Variants in ADGRB1 observed in about 807,000 individuals in gnomAD.
The protein encoded by ADGRB1 is adhesion G protein-coupled receptor B1.
In ADGRB1, 36 loss-of-function variants were observed where a neutral mutation model predicts 175.7. That is an observed-to-expected ratio of 0.20 (90% CI 0.16 to 0.27). ADGRB1 has a LOEUF of 0.27. Ranked by LOEUF, ADGRB1 falls within the 10% of genes least tolerant of loss-of-function variation. The probability of loss-of-function intolerance (pLI) is 1.00; values close to 1 mark genes in which losing one functional copy is unlikely to be tolerated. For synonymous variants in ADGRB1, 1,054 were observed against 979.4 expected (o/e 1.08, Z -1.42); for missense variants, 1,731 against 2,255.3 (o/e 0.77, Z 4.71).
At position 142,533,386 on chromosome 8, in the gene ADGRB1, C is replaced by T. The variant is rs752743965; in HGVS notation, c.3490C>T (p.Leu1164Phe). ...VLAVTDRRSA[L>F]FQILFAVFDS... ...CGCCGTCACCGACCGCCGCTCCGCC[C>T]TCTTCCAGATCCTCTTCGCTGTCTT... is the stretch of plus-strand genomic sequence containing the variant. The change falls in exon 25 of 31, where the codon CTC becomes TTC. Residue 1164 changes from leucine (L) to phenylalanine (F), a missense_variant. Coordinates refer to ENST00000517894, the MANE Select transcript of ADGRB1 (RefSeq NM_001702.3). 2 of 1,611,980 alleles carry T rather than the reference C, an allele frequency of 1.2e-6. No homozygotes were observed. The highest frequency in any genetic ancestry group is 1.7e-6 in the Non-Finnish European group (2 of 1,179,434).
chr8:142,543,373 C>T lies in ADGRB1; in HGVS notation c.4414-30C>T, dbSNP rs1563758044. 8 of 1,613,108 alleles carry T rather than the reference C, an allele frequency of 5.0e-6. No individual in the cohort carries two copies. Among genetic ancestry groups the T allele is most frequent in the Middle Eastern group, 1.7e-4 (1 of 6,058 alleles). On this transcript the variant is annotated intron_variant, in intron 28 of 30. Coordinates refer to ENST00000517894, the MANE Select transcript of ADGRB1 (RefSeq NM_001702.3). The surrounding 1 kb of genome is among the most constrained non-coding windows in gnomAD (Gnocchi z 4.4). ...GCGTGGACTTGTCAGGGACCCTTGG[C>T]GAATGTTCGCAAACCCCTTCTCCCT... is the stretch of plus-strand genomic sequence containing the variant.
chr8:142,488,870 G>A (rs1466040117), intron 14 of ADGRB1, among the ~76,000 whole-genome samples, 165 bp from the exon 15 acceptor site: 1 of 152,208 alleles, frequency 6.6e-6, no homozygotes, highest in Non-Finnish European at 1.5e-5. Context: ...CCTGGCTGCA[G>A]CACTGTGTCC....
At position 142,510,785 on chromosome 8, in the gene ADGRB1, C is replaced by G. The variant is rs1843054502; in HGVS notation, c.2676-147C>G. 2 of 192,560 alleles carry G rather than the reference C, an allele frequency of 1.0e-5. No individual in the cohort carries two copies. Among genetic ancestry groups the G allele is most frequent in the Non-Finnish European group, 1.8e-5 (2 of 109,104 alleles). The allele number at this position is 192,560 out of a possible 1,614,324, so 11.9% of individuals were successfully genotyped here. On this transcript the variant is annotated intron_variant, in intron 17 of 30. Transcript: ENST00000517894. The surrounding 1 kb of genome is among the most constrained non-coding windows in gnomAD (Gnocchi z 6.3). ...GCGGGGCCTGGCGGCGGCGGGCGGACGGGCGCGCGGCTGCGGGCGCAGGTG... is the reference window on the plus strand; with the variant it reads ...GCGGGGCCTGGCGGCGGCGGGCGGAGGGGCGCGCGGCTGCGGGCGCAGGTG...
At chr8:142,526,741 AC>A in intron 24 of ADGRB1, 114 bp downstream of exon 24, 1 of 1,096,114 alleles carries the variant, frequency 9.1e-7, no homozygotes, top group Non-Finnish European at 1.4e-6. Flanking sequence ...AGGTCCAGGG[AC>A]CCCGGAGCGG....
At chr8:142,502,622 G>T (rs1325593627) in intron 17 of ADGRB1, among the ~76,000 whole-genome samples, 6 of 125,714 alleles carry the variant, frequency 4.8e-5, no homozygotes, top group African/African-American at 2.4e-4. Context: ...TGGCTGTAGT[G>T]AAGATGGGGA....
chr8:142,461,448 C>T (rs903589287), intron 1 of ADGRB1, among the ~76,000 whole-genome samples: 5 of 152,254 alleles, frequency 3.3e-5, no homozygotes, highest in Middle Eastern at 3.2e-3. Context: ...ACACCAGCCG[C>T]GTCGTGGCCA....
intron 17 of ADGRB1, among the ~76,000 whole-genome samples, chr8:142,496,093 G>A (rs1234790872): frequency 6.6e-6 from 1 of 151,854 alleles, no homozygotes; most frequent in African/African-American, 2.4e-5. Context: ...TGGATGGGTG[G>A]GTGGCTGGCT....
At chr8:142,494,323 C>G (rs1358100010) in intron 17 of ADGRB1, among the ~76,000 whole-genome samples, 1 of 152,034 alleles carries the variant, frequency 6.6e-6, no homozygotes, top group Non-Finnish European at 1.5e-5. Flanking sequence ...TGATCCTGGT[C>G]ACAGGCTGAG....
At chr8:142,508,534 C>G (rs1364350566) in intron 17 of ADGRB1, among the ~76,000 whole-genome samples, 2 of 152,208 alleles carry the variant, frequency 1.3e-5, no homozygotes, top group African/African-American at 4.8e-5. Flanking sequence ...TTATCAGGAT[C>G]TGCACTCTGC....
At chr8:142,518,023 G>A (rs1026564000) in intron 18 of ADGRB1, 115 bp from the exon 19 acceptor site, 39 of 945,932 alleles carry the variant, frequency 4.1e-5, no homozygotes, top group Non-Finnish European at 6.1e-5. Context: ...GAGGGGCTGG[G>A]CCAAACGCTG....
chr8:142,498,777 C>T (rs1842346100), intron 17 of ADGRB1, among the ~76,000 whole-genome samples: 1 of 152,210 alleles, frequency 6.6e-6, no homozygotes, highest in Non-Finnish European at 1.5e-5. Context: ...CACACTACCC[C>T]TCCTGCCTCC....
Position 142,504,180 on chromosome 8 carries a change from C to G in ADGRB1, c.2676-6752C>G, listed in dbSNP as rs1218980457. Reference sequence around the variant, plus strand: ...GAGCTTGGAGGGGCTAGAGCTGACCCAGGCCTGCCCTGGAGAGCCTCACAG... The same window carrying G: ...GAGCTTGGAGGGGCTAGAGCTGACCGAGGCCTGCCCTGGAGAGCCTCACAG... On this transcript the variant is annotated intron_variant, in intron 17 of 30. Coordinates refer to ENST00000517894, the MANE Select transcript of ADGRB1 (RefSeq NM_001702.3). The surrounding 1 kb of genome is among the most constrained non-coding windows in gnomAD (Gnocchi z 5.6). Among the ~76,000 whole-genome samples, 1 of 152,214 alleles carries G rather than the reference C, an allele frequency of 6.6e-6. No homozygotes were observed. The highest frequency in any genetic ancestry group is 1.5e-5 in the Non-Finnish European group (1 of 68,030).
At chr8:142,535,867 C>A (rs1284058183) in intron 25 of ADGRB1, among the ~76,000 whole-genome samples, 1 of 152,136 alleles carries the variant, frequency 6.6e-6, no homozygotes. Flanking sequence ...CCTGCTGTGG[C>A]GGCCTGGAGT....
At position 142,543,496 on chromosome 8, in the gene ADGRB1, C is replaced by T; in HGVS notation, c.4449+58C>T. 2.5e-6 allele frequency: 4 copies of T among 1,610,442 alleles called. No individual in the cohort carries two copies. Among genetic ancestry groups the T allele is most frequent in the East Asian group, 2.2e-5 (1 of 44,730 alleles). Reference sequence around the variant, plus strand: ...TAGGGCCAGATGTGCTCTGGGCTCCCACACGGCCAGGCAGCTCCCCGGCAG... The same window carrying T: ...TAGGGCCAGATGTGCTCTGGGCTCCTACACGGCCAGGCAGCTCCCCGGCAG... On this transcript the variant is annotated intron_variant, in intron 29 of 30. Coordinates refer to ENST00000517894, the MANE Select transcript of ADGRB1 (RefSeq NM_001702.3). This position sits in a 1 kb window ranked among gnomAD's most constrained non-coding sequence, Gnocchi z 4.4.
chr8:142,492,450 G>A lies in ADGRB1; in HGVS notation c.2675+1635G>A, dbSNP rs112761713. On this transcript the variant is annotated intron_variant, in intron 17 of 30. Transcript: ENST00000517894. This position sits in a 1 kb window ranked among gnomAD's most constrained non-coding sequence, Gnocchi z 4.4. The stretch of plus-strand genomic sequence containing the variant: ...GCAGGGTCTGGATGCGGGTGGGGAG[G>A]GGCCTTTGCAAGCAGGGTCATGCAC... 1.4e-4 allele frequency among the ~76,000 whole-genome samples: 21 copies of A among 152,286 alleles called. No homozygotes were observed. Among genetic ancestry groups the A allele is most frequent in the African/African-American group, 4.1e-4 (17 of 41,564 alleles).
At position 142,497,381 on chromosome 8, in the gene ADGRB1, A is replaced by AG. The variant is rs918622022; in HGVS notation, c.2675+6574dup. ...GAGAGGGCAGTGAGGGGGCAGGCCA[A>AG]GGGGGGGGAAGCGGAAGGAAGACTT... On this transcript the variant is annotated intron_variant, in intron 17 of 30. Transcript: ENST00000517894. Among the ~76,000 whole-genome samples, 131 of 151,454 alleles carry AG rather than the reference A, an allele frequency of 8.6e-4. 2 individuals carry two copies. In the East Asian group the frequency reaches 0.022, roughly 25 times the overall value.
intron 1 of ADGRB1, among the ~76,000 whole-genome samples, chr8:142,461,469 T>C (rs956499032): frequency 1.3e-5 from 2 of 152,242 alleles, no homozygotes; most frequent in Admixed American, 6.5e-5. Context: ...GCTGGGCTTA[T>C]GAGGCTGCGC....
At chr8:142,512,801 C>T (rs141148409) in intron 18 of ADGRB1, among the ~76,000 whole-genome samples, 233 of 152,304 alleles carry the variant, frequency 1.5e-3, no homozygotes, top group East Asian at 2.7e-3. Context: ...CCAGAGTGGG[C>T]CTGGCTTAGG....
intron 19 of ADGRB1, among the ~76,000 whole-genome samples, chr8:142,518,442 CTCATAATGTGTA>C (rs1843578238): frequency 6.6e-6 from 1 of 152,072 alleles, no homozygotes; most frequent in Admixed American, 6.5e-5. Context: ...ACCCCACACA[CTCATAATGTGTA>C]CATGCCGCAC....
Sources: gnomAD v4.1 joint callset for allele counts (sites outside exome capture counted in the v4.1 genomes callset) on GRCh38, gnomAD v4.1.1 for gene constraint, Gnocchi (gnomAD v3.1) non-coding constraint, MANE v1.5 for transcripts, NCBI Gene and HGNC (gene_info 2026-07-23, HGNC 2026-07-21) for gene names.